PAX2: variants seen among roughly 807,000 people sequenced by gnomAD.
The protein encoded by PAX2 is paired box 2.
In PAX2, 9 loss-of-function variants were observed where a neutral mutation model predicts 41.7. The observed-to-expected ratio is 0.22, with a 90% CI of 0.13 to 0.38. PAX2 has a LOEUF of 0.38. Ranked by LOEUF, PAX2 falls within the 10% of genes least tolerant of loss-of-function variation. The pLI is 1.00. For synonymous variants in PAX2, 221 were observed against 212.7 expected, an observed-to-expected ratio of 1.04 and a Z score of -0.34; for missense variants, 418 against 531.6, an observed-to-expected ratio of 0.79 and a Z score of 2.10.
chr10:100,797,993 C>T (rs979648557), intron 5 of PAX2, among the ~76,000 whole-genome samples: 1 of 151,804 alleles, frequency 6.6e-6, no homozygotes, highest in Non-Finnish European at 1.5e-5. Flanking sequence ...AGAAGCTAGG[C>T]TTGGTCAAGT....
rs1027369599 is a variant in PAX2, at chr10:100,829,144, G to T, written c.*1525G>T. On this transcript the variant is annotated 3_prime_UTR_variant, in exon 10 of 10. Coordinates refer to ENST00000355243, the MANE Select transcript of PAX2 (RefSeq NM_000278.5). ...AATCTCTATGCAAAATGACGAACAT[G>T]GTCCTGTGGACTCCTCTGGCCTGTT... 2.2e-5 allele frequency: 5 copies of T among 231,722 alleles called. No homozygotes were observed. Among genetic ancestry groups the T allele is most frequent in the Non-Finnish European group, 3.4e-5 (4 of 116,938 alleles). The allele number at this position is 231,722 out of a possible 1,614,324, so 14.4% of individuals were successfully genotyped here. A position where few individuals can be genotyped will look rare whatever the true frequency, so the allele number is the denominator to read the frequency against.
Position 100,829,842 on chromosome 10 carries a change from T to G in PAX2, c.*2223T>G, listed in dbSNP as rs1848727167. On this transcript the variant is annotated 3_prime_UTR_variant, in exon 10 of 10. Coordinates refer to ENST00000355243, the MANE Select transcript of PAX2 (RefSeq NM_000278.5). Reference sequence around the variant, plus strand: ...ATGTCCCCGGACGGTTCTGGTCTCCTCGGCCACTTTCAGTGCGTCGGTTCG... The same window carrying G: ...ATGTCCCCGGACGGTTCTGGTCTCCGCGGCCACTTTCAGTGCGTCGGTTCG... 5.2e-6 allele frequency: 1 copy of G among 192,254 alleles called. No individual in the cohort carries two copies. Among genetic ancestry groups the G allele is most frequent in the South Asian group, 1.9e-4 (1 of 5,210 alleles). The allele number at this position is 192,254 out of a possible 1,614,324, so 11.9% of individuals were successfully genotyped here. A position where few individuals can be genotyped will look rare whatever the true frequency, so the allele number is the denominator to read the frequency against.
intron 3 of PAX2, among the ~76,000 whole-genome samples, chr10:100,770,656 C>T (rs780534596): frequency 7.9e-5 from 12 of 152,206 alleles, no homozygotes; most frequent in Non-Finnish European, 1.8e-4. Context: ...AGATTATCGC[C>T]CTCAATGCCA....
At position 100,809,049 on chromosome 10, in the gene PAX2, A is replaced by G. The variant is rs541529260; in HGVS notation, c.793-61A>G. 5.8e-6 allele frequency: 9 copies of G among 1,550,046 alleles called. No homozygotes were observed. The African/African-American group carries it at 1.2e-4, about 21-fold the overall frequency. ...CCCTGTTCCTCCTCCCCATCTGCAC[A>G]CCGAGCCCTTTCTCTGTGCGTGCAT... On this transcript the variant is annotated intron_variant, in intron 6 of 9. Transcript: ENST00000355243.
chr10:100,824,295 C>A lies in PAX2; in HGVS notation c.920-353C>A, dbSNP rs978571565. On this transcript the variant is annotated intron_variant, in intron 7 of 9. Coordinates refer to ENST00000355243, the MANE Select transcript of PAX2 (RefSeq NM_000278.5). This position sits in a 1 kb window ranked among gnomAD's most constrained non-coding sequence, Gnocchi z 6.6. ...CTGAGAAGGAGGAGTAAAACCAGGT[C>A]ATCTCCCTCCCATCTCCATCTGGGT... is the stretch of plus-strand genomic sequence containing the variant. Among the ~76,000 whole-genome samples the A allele has an allele frequency of 7.3e-5, 11 of 151,176 alleles. No homozygotes were observed. Among genetic ancestry groups the A allele is most frequent in the Admixed American group, 7.2e-4 (11 of 15,192 alleles).
intron 5 of PAX2, among the ~76,000 whole-genome samples, chr10:100,805,307 A>G (rs879632469): frequency 2.0e-5 from 3 of 152,236 alleles, no homozygotes; most frequent in Non-Finnish European, 2.9e-5. Flanking sequence ...AAACTGATAT[A>G]TATAACATTC....
intron 7 of PAX2, among the ~76,000 whole-genome samples, chr10:100,818,570 A>G (rs1848267320): frequency 6.6e-6 from 1 of 152,244 alleles, no homozygotes. Flanking sequence ...CCATCTACAC[A>G]GAAAGATACA....
chr10:100,813,816 CCTT>C (rs943456656), intron 7 of PAX2, among the ~76,000 whole-genome samples: 5 of 152,092 alleles, frequency 3.3e-5, no homozygotes, highest in African/African-American at 1.2e-4. Flanking sequence ...CAATGACAAA[CCTT>C]CTTTGTAGAG....
rs1296348996 is a variant in PAX2, at chr10:100,746,187, C to T, written c.-74C>T. On this transcript the variant is annotated 5_prime_UTR_variant, in exon 1 of 10. Transcript: ENST00000355243. ...TCCCCCACCGTCCCTCCCTTTTCTC[C>T]TCAAGTCCTGAAGTTGAGTTTGAGA... The T allele has an allele frequency of 2.5e-6, 4 of 1,612,452 alleles. No homozygotes were observed. In the East Asian group the frequency reaches 8.9e-5, roughly 36 times the overall value.
At chr10:100,809,008 C>A in intron 6 of PAX2, 102 bp from the exon 7 acceptor site, 1 of 1,084,832 alleles carries the variant, frequency 9.2e-7, no homozygotes, top group Non-Finnish European at 1.4e-6. Context: ...TCTTTCTACC[C>A]CATCTGGGCG....
At chr10:100,743,030 G>A (rs1046625842), upstream of PAX2, among the ~76,000 whole-genome samples, 5 of 151,652 alleles carry the variant, frequency 3.3e-5, no homozygotes, top group African/African-American at 1.2e-4. Flanking sequence ...GAGAAAAGGG[G>A]TTCCTAATCT....
chr10:100,749,278 C>G (rs922798740), intron 1 of PAX2: 36 of 996,968 alleles, frequency 3.6e-5, no homozygotes, highest in Non-Finnish European at 4.3e-5. Context: ...AGCCGAGCCT[C>G]GACGCCCCCA....
rs553729629 is a variant in PAX2 at position 100,828,533 on chromosome 10, C to T, written c.*914C>T. 101 of 233,544 alleles carry T rather than the reference C, an allele frequency of 4.3e-4. No homozygotes were observed. The highest frequency in any genetic ancestry group is 5.9e-4 in the Non-Finnish European group (70 of 118,196). 14.5% of individuals were successfully genotyped at this position (233,544 alleles called of 1,614,324 possible). A position where few individuals can be genotyped will look rare whatever the true frequency, so the allele number is the denominator to read the frequency against. ...TGACGCCCTGCATCCTCCTCCCTGA[C>T]TCGCAGCCCCATCGGACGCTCTCCC... On this transcript the variant is annotated 3_prime_UTR_variant, in exon 10 of 10. Transcript: ENST00000355243. The surrounding 1 kb of genome is among the most constrained non-coding windows in gnomAD (Gnocchi z 6.5).
At position 100,827,065 on chromosome 10, in the gene PAX2, GCTTGGAGATTCAGCAACCCCGC is replaced by G; in HGVS notation, c.1082_1103del (p.Trp361TyrfsTer2). The G allele has an allele frequency of 6.2e-7, 1 of 1,613,636 alleles. No homozygotes were observed. The highest frequency in any genetic ancestry group is 8.5e-7 in the Non-Finnish European group (1 of 1,179,596). ...CCCCCAGTACACGGCCTACAACGAGGCTTGGAGATTCAGCAACCCCGCCTTACTAAGTGAGTACGCCACCTGG... is the reference window on the plus strand; with the variant it reads ...CCCCCAGTACACGGCCTACAACGAGGCTTACTAAGTGAGTACGCCACCTGG... On this transcript the variant is annotated frameshift_variant, in exon 9 of 10. Coordinates refer to ENST00000355243, the MANE Select transcript of PAX2 (RefSeq NM_000278.5). LOFTEE classifies it high-confidence loss of function. This position sits in a 1 kb window ranked among gnomAD's most constrained non-coding sequence, Gnocchi z 8.5.
At chr10:100,742,119 G>A (rs981680532), upstream of PAX2, among the ~76,000 whole-genome samples, 16 of 152,214 alleles carry the variant, frequency 1.1e-4, no homozygotes, top group African/African-American at 3.9e-4. Context: ...AGGCAACCAC[G>A]CTTCTGCCTT....
rs113255578 is a variant in PAX2 at position 100,750,237 on chromosome 10, T to TGGG, written c.212+329_212+331dup. On this transcript the variant is annotated intron_variant, in intron 2 of 9. Transcript: ENST00000355243. This position sits in a 1 kb window ranked among gnomAD's most constrained non-coding sequence, Gnocchi z 4.1. ...TACGGGGTGGGAGACATTAGAGGAA[T>TGGG]GGGGGGGGAGTGAAAATGGGTCCCC... Among the ~76,000 whole-genome samples the TGGG allele has an allele frequency of 8.6e-5, 13 of 150,304 alleles. No individual in the cohort carries two copies. The highest frequency in any genetic ancestry group is 3.2e-4 in the African/African-American group (13 of 40,780).
intron 7 of PAX2, among the ~76,000 whole-genome samples, chr10:100,811,915 C>T (rs900902925): frequency 4.6e-5 from 7 of 152,214 alleles, no homozygotes; most frequent in African/African-American, 1.2e-4. Flanking sequence ...AATGCCCTAG[C>T]CCAACCTGAA....
intron 5 of PAX2, among the ~76,000 whole-genome samples, chr10:100,783,432 T>G (rs1040462719): frequency 6.6e-6 from 1 of 152,138 alleles, no homozygotes; most frequent in African/African-American, 2.4e-5. Context: ...GGCTGCTCTT[T>G]GAGGAGGGGC....
At chr10:100,743,539 C>T (rs1457249723), upstream of PAX2, among the ~76,000 whole-genome samples, 1 of 152,106 alleles carries the variant, frequency 6.6e-6, no homozygotes, top group East Asian at 1.9e-4. Flanking sequence ...GTTCTGAGCT[C>T]CTCTAAATAA....
Sources: allele counts gnomAD v4.1 joint callset (sites outside exome capture counted in the v4.1 genomes callset), GRCh38; gene constraint gnomAD v4.1.1; non-coding constraint Gnocchi (gnomAD v3.1); transcripts MANE v1.5; gene names NCBI Gene and HGNC (gene_info 2026-07-23, HGNC 2026-07-21).